Variants in ZFPM2 observed in about 807,000 individuals in gnomAD.
ZFPM2 encodes zinc finger protein, FOG family member 2.
In ZFPM2, 20 loss-of-function variants were observed where a neutral mutation model predicts 98.6. That is an observed-to-expected ratio of 0.20 (90% CI 0.14 to 0.29). The LOEUF (loss-of-function observed/expected upper bound fraction) is 0.29, where lower values mean the gene tolerates loss of function less well. Ranked by LOEUF, ZFPM2 falls within the 10% of genes least tolerant of loss-of-function variation. The pLI is 1.00. For missense variants in ZFPM2, 1,310 were observed against 1,388.6 expected (o/e 0.94, Z 0.90); for synonymous variants, 518 against 502.7 (o/e 1.03, Z -0.41).
intron 3 of ZFPM2, among the ~76,000 whole-genome samples, chr8:105,539,925 T>C (rs929546589): frequency 2.0e-5 from 3 of 152,172 alleles, no homozygotes; most frequent in African/African-American, 7.2e-5. Context: ...TTCATGTAAC[T>C]TTAAAGAGCA....
At chr8:105,600,281 G>T (rs1438865166) in intron 4 of ZFPM2, among the ~76,000 whole-genome samples, 1 of 152,022 alleles carries the variant, frequency 6.6e-6, no homozygotes, top group African/African-American at 2.4e-5. Flanking sequence ...ACTATATTTT[G>T]ACTATTAATG....
chr8:105,739,645 A>T (rs976829891), intron 5 of ZFPM2, among the ~76,000 whole-genome samples: 1 of 151,778 alleles, frequency 6.6e-6, no homozygotes, highest in African/African-American at 2.4e-5. Flanking sequence ...GAATGGTTTC[A>T]GCTTCCTTGC....
At chr8:105,406,753 A>G (rs1442686451) in intron 1 of ZFPM2, among the ~76,000 whole-genome samples, 1 of 151,988 alleles carries the variant, frequency 6.6e-6, no homozygotes, top group Non-Finnish European at 1.5e-5. Flanking sequence ...CTACATTTTA[A>G]TCAAACTTTC....
intron 1 of ZFPM2, among the ~76,000 whole-genome samples, chr8:105,357,426 T>C (rs1399978973): frequency 1.4e-4 from 21 of 152,216 alleles, no homozygotes. Flanking sequence ...TATGCCTTTT[T>C]GCTTTTATGT....
chr8:105,677,866 G>A (rs1040841696), intron 5 of ZFPM2, among the ~76,000 whole-genome samples: 3 of 152,124 alleles, frequency 2.0e-5, no homozygotes, highest in African/African-American at 7.2e-5. Context: ...TGAACAAAAT[G>A]TGTTTTGAGG....
intron 1 of ZFPM2, among the ~76,000 whole-genome samples, chr8:105,381,490 T>C (rs1332249086): frequency 6.6e-6 from 1 of 152,046 alleles, no homozygotes; most frequent in Non-Finnish European, 1.5e-5. Flanking sequence ...CAGAGCAAAG[T>C]CCTGCTTTTG....
At chr8:105,728,887 G>A (rs532323077) in intron 5 of ZFPM2, among the ~76,000 whole-genome samples, 89 of 151,592 alleles carry the variant, frequency 5.9e-4, no homozygotes, top group Admixed American at 1.2e-3. Context: ...AGCTGTGTTC[G>A]GGGACACTGT....
chr8:105,396,112 G>A (rs1219155406), intron 1 of ZFPM2, among the ~76,000 whole-genome samples: 3 of 151,984 alleles, frequency 2.0e-5, no homozygotes, highest in African/African-American at 7.3e-5. Context: ...AGCCTCTCTG[G>A]TCATGCTCAC....
chr8:105,575,357 C>A (rs1274920022), intron 4 of ZFPM2, among the ~76,000 whole-genome samples: 1 of 152,050 alleles, frequency 6.6e-6, no homozygotes, highest in African/African-American at 2.4e-5. Context: ...TTGTTGTAGC[C>A]CCTGTCAGAA....
intron 3 of ZFPM2, among the ~76,000 whole-genome samples, chr8:105,508,818 G>A (rs1311007576): frequency 2.1e-5 from 3 of 146,164 alleles, no homozygotes; most frequent in African/African-American, 7.7e-5. Context: ...TTTCCCCCTC[G>A]CATTGTTGTG....
chr8:105,751,311 C>A (rs538735589), intron 5 of ZFPM2, among the ~76,000 whole-genome samples: 1 of 152,088 alleles, frequency 6.6e-6, no homozygotes, highest in African/African-American at 2.4e-5. Flanking sequence ...ATAACTGATA[C>A]TAGAAACTAA....
intron 3 of ZFPM2, among the ~76,000 whole-genome samples, chr8:105,496,792 G>A (rs947285962): frequency 1.3e-5 from 2 of 149,624 alleles, no homozygotes; most frequent in African/African-American, 4.9e-5. Flanking sequence ...AGATCAGCCT[G>A]ACCAACATGG....
At chr8:105,418,921 C>T in intron 1 of ZFPM2, 1 of 595,646 alleles carries the variant, frequency 1.7e-6, no homozygotes, top group Admixed American at 2.9e-5. Context: ...AGGTTGCTTT[C>T]TGTGTTATAA....
At chr8:105,529,896 A>G (rs1354399369) in intron 3 of ZFPM2, among the ~76,000 whole-genome samples, 2 of 151,948 alleles carry the variant, frequency 1.3e-5, no homozygotes, top group South Asian at 2.1e-4. Context: ...ACACCTGGCT[A>G]ATTTTTCTAT....
At chr8:105,627,100 C>A (rs1816672764) in intron 4 of ZFPM2, among the ~76,000 whole-genome samples, 1 of 152,010 alleles carries the variant, frequency 6.6e-6, no homozygotes, top group Admixed American at 6.5e-5. Context: ...TGGGTTAGTC[C>A]TCTATTATTT....
At chr8:105,485,526 A>G (rs1813214826) in intron 3 of ZFPM2, among the ~76,000 whole-genome samples, 1 of 152,114 alleles carries the variant, frequency 6.6e-6, no homozygotes, top group Non-Finnish European at 1.5e-5. Flanking sequence ...TCTATAAAAG[A>G]AAGAAAGAAA....
At chr8:105,642,215 A>G (rs902495631) in intron 5 of ZFPM2, among the ~76,000 whole-genome samples, 3 of 152,122 alleles carry the variant, frequency 2.0e-5, no homozygotes, top group Non-Finnish European at 2.9e-5. Flanking sequence ...AAAAATTATT[A>G]TAAGATAAAT....
intron 4 of ZFPM2, among the ~76,000 whole-genome samples, chr8:105,562,482 G>A (rs1166236462): frequency 6.6e-6 from 1 of 152,060 alleles, no homozygotes; most frequent in Non-Finnish European, 1.5e-5. Context: ...TTATTATCTT[G>A]CAGTTATGGA....
At chr8:105,647,779 G>T (rs1817079951) in intron 5 of ZFPM2, among the ~76,000 whole-genome samples, 2 of 152,038 alleles carry the variant, frequency 1.3e-5, no homozygotes, top group South Asian at 2.1e-4. Context: ...GTCTATCATT[G>T]ATGGACATTT....
Sources: allele counts gnomAD v4.1 joint callset (sites outside exome capture counted in the v4.1 genomes callset), GRCh38; gene constraint gnomAD v4.1.1; transcripts MANE v1.5; gene names NCBI Gene and HGNC (gene_info 2026-07-23, HGNC 2026-07-21).